Variants in GBF1 observed in about 807,000 individuals in gnomAD.
GBF1 encodes Golgi-specific brefeldin A-resistance guanine nucleotide exchange factor 1.
A neutral mutation model predicts 210.5 loss-of-function variants in GBF1; 114 were observed. The observed-to-expected ratio is 0.54, with a 90% CI of 0.47 to 0.63. The LOEUF is 0.63. GBF1 is among the 30% of genes least tolerant of loss of function. The probability of loss-of-function intolerance (pLI) is 0.00; values close to 1 mark genes in which losing one functional copy is unlikely to be tolerated. For synonymous variants in GBF1, 850 were observed against 889.2 expected, an observed-to-expected ratio of 0.96 and a Z score of 0.78; for missense variants, 1,851 against 2,357.7, an observed-to-expected ratio of 0.79 and a Z score of 4.45.
Position 102,379,264 on chromosome 10 carries a change from G to A in GBF1, c.4495-20G>A, listed in dbSNP as rs2060698277. On this transcript the variant is annotated intron_variant, in intron 33 of 39. Transcript: ENST00000369983. ...CGAGACCTAACCCCACTCACATCCT[G>A]CCCCCTCCTGTGATCCTAGTTGCTA... 1.9e-6 allele frequency: 3 copies of A among 1,608,650 alleles called. No individual in the cohort carries two copies. Among genetic ancestry groups the A allele is most frequent in the Non-Finnish European group, 2.5e-6 (3 of 1,177,248 alleles).
At chr10:102,326,015 C>T (rs1462317369) in intron 3 of GBF1, among the ~76,000 whole-genome samples, 3 of 152,116 alleles carry the variant, frequency 2.0e-5, no homozygotes, top group Non-Finnish European at 4.4e-5. Context: ...GGTCACCTGG[C>T]CTATTTTATA....
At chr10:102,368,496 T>A in intron 22 of GBF1, 42 bp downstream of exon 22, 2 of 1,086,186 alleles carry the variant, frequency 1.8e-6, no homozygotes, top group Non-Finnish European at 2.9e-6. Context: ...CCACTAGCTC[T>A]GTGAGCTAAC....
Position 102,382,065 on chromosome 10 carries a change from A to G in GBF1, c.5312A>G (p.Lys1771Arg). The G allele has an allele frequency of 6.5e-7, 1 of 1,538,996 alleles. No homozygotes were observed. Reference sequence around the variant, plus strand: ...CTTGCTTTCCCTACAGACTTTGAGAAGCCCGAGAGCCCCCGAGCCGCCAGC... The same window carrying G: ...CTTGCTTTCCCTACAGACTTTGAGAGGCCCGAGAGCCCCCGAGCCGCCAGC... ...PSELGACDFE[K>R]PESPRAASSS... Residue 1771 changes from lysine to arginine, a missense_variant, in exon 40 of 40, where the codon AAG (lysine) becomes AGG (arginine). This residue lies in a region of GBF1 where 967 missense variants were observed against 1,247.7 expected (regional missense o/e 0.78). Coordinates refer to ENST00000369983, the MANE Select transcript of GBF1 (RefSeq NM_001377137.1).
chr10:102,287,612 T>A (rs2076070849), intron 3 of GBF1, among the ~76,000 whole-genome samples: 1 of 152,200 alleles, frequency 6.6e-6, no homozygotes, highest in African/African-American at 2.4e-5. Context: ...AAGATCCATT[T>A]CCAAGTTCAT....
chr10:102,362,731 C>A lies in GBF1; in HGVS notation c.1876+67C>A. On this transcript the variant is annotated intron_variant, in intron 15 of 39. Transcript: ENST00000369983. ...CTTATCCCTTCTCTACTCTCTGAGT[C>A]GTTTTTCCTGTCCCCATATCACTTC... 5 of 1,293,730 alleles carry A rather than the reference C, an allele frequency of 3.9e-6. No individual in the cohort carries two copies. In the South Asian group the frequency reaches 5.2e-5, roughly 13 times the overall value. The allele number at this position is 1,293,730 out of a possible 1,614,324, so 80.1% of individuals were successfully genotyped here. A position where few individuals can be genotyped will look rare whatever the true frequency, so the allele number is the denominator to read the frequency against.
chr10:102,360,481 T>C (rs2059533472), intron 12 of GBF1, 86 bp downstream of exon 12: 1 of 869,148 alleles, frequency 1.2e-6, no homozygotes, highest in Non-Finnish European at 1.9e-6. Context: ...GCAAAGAGTA[T>C]AGGACCTAGG....
chr10:102,302,038 A>G (rs190041783), intron 3 of GBF1, among the ~76,000 whole-genome samples: 3,604 of 152,328 alleles, frequency 0.024, 71 homozygotes, highest in Non-Finnish European at 0.04. Context: ...CGAGGCTGGC[A>G]GATCACTCGC....
At chr10:102,336,176 C>A (rs1296031848) in intron 3 of GBF1, among the ~76,000 whole-genome samples, 1 of 151,794 alleles carries the variant, frequency 6.6e-6, no homozygotes, top group Non-Finnish European at 1.5e-5. Flanking sequence ...TGGCATGTGC[C>A]TGTAGTCCCA....
chr10:102,329,184 C>G (rs190480573), intron 3 of GBF1, among the ~76,000 whole-genome samples: 1 of 152,134 alleles, frequency 6.6e-6, no homozygotes, highest in African/African-American at 2.4e-5. Context: ...AAGGTTGATA[C>G]GCATCAAACT....
chr10:102,380,302 C>G lies in GBF1; in HGVS notation c.4932C>G (p.Leu1644=), dbSNP rs1204981995. 6.2e-7 allele frequency: 1 copy of G among 1,614,128 alleles called. No homozygotes were observed. Among genetic ancestry groups the G allele is most frequent in the East Asian group, 2.2e-5 (1 of 44,876 alleles). The change falls in exon 37 of 40, where the codon CTC becomes CTG. Residue 1644 remains leucine (L), a synonymous_variant. Transcript: ENST00000369983. ...TGTCACTCTCTACCTTTGCGGCCCTCTGGCTCACCATCTTGGACTTCATGG... is the reference window on the plus strand; with the variant it reads ...TGTCACTCTCTACCTTTGCGGCCCTGTGGCTCACCATCTTGGACTTCATGG... ...PLLSLSTFAA[L]WLTILDFMDK...
intron 3 of GBF1, among the ~76,000 whole-genome samples, chr10:102,277,018 G>GTA (rs1374541164): frequency 6.6e-6 from 1 of 151,798 alleles, no homozygotes; most frequent in Non-Finnish European, 1.5e-5. Flanking sequence ...ATGTATGTAT[G>GTA]TATATATAGA....
chr10:102,351,324 G>A lies in GBF1; in HGVS notation c.364G>A (p.Val122Met). ...MADAVTHARF[V>M]GTDPASDEVV... The stretch of plus-strand genomic sequence containing the variant: ...AGATGCTGTCACCCATGCTCGTTTT[G>A]TGGGCACGGATCCTGCCAGTGATGA... The change falls in exon 5 of 40, where the codon GTG (valine) becomes ATG (methionine). Residue 122 changes from valine (V) to methionine (M), a missense_variant. This residue lies in a region of GBF1 where 804 missense variants were observed against 958.6 expected (regional missense o/e 0.84). Transcript: ENST00000369983. 6.2e-7 allele frequency: 1 copy of A among 1,611,970 alleles called. No individual in the cohort carries two copies. The highest frequency in any genetic ancestry group is 1.1e-5 in the South Asian group (1 of 91,032).
chr10:102,307,551 G>A (rs2133922678), intron 3 of GBF1, among the ~76,000 whole-genome samples: 1 of 152,272 alleles, frequency 6.6e-6, no homozygotes, highest in East Asian at 1.9e-4. Flanking sequence ...AGCACTTTGG[G>A]AGGCCAAGGC....
chr10:102,234,748 G>T, the GBF1 span, among the ~76,000 whole-genome samples: 48 of 152,266 alleles, frequency 3.2e-4, no homozygotes, highest in African/African-American at 1.1e-3. Context: ...CCAGAGAGGG[G>T]TTTACCTGTG....
In GBF1 at chr10:102,366,940, C is replaced by G; in HGVS notation, c.2434-145C>G. 1 of 825,292 alleles carries G rather than the reference C, an allele frequency of 1.2e-6. No individual in the cohort carries two copies. Among genetic ancestry groups the G allele is most frequent in the Non-Finnish European group, 1.9e-6 (1 of 515,126 alleles). 51.1% of individuals were successfully genotyped at this position (825,292 alleles called of 1,614,324 possible). ...ATTAGTGACCTTTCCACAAAGAGAT[C>G]AGCTTCTGTTAAGGAGTTGGCAAGA... is the stretch of plus-strand genomic sequence containing the variant. On this transcript the variant is annotated intron_variant, in intron 19 of 39. Coordinates refer to ENST00000369983, the MANE Select transcript of GBF1 (RefSeq NM_001377137.1). The surrounding 1 kb of genome is among the most constrained non-coding windows in gnomAD (Gnocchi z 4.0).
chr10:102,304,677 G>A (rs1047558493), intron 3 of GBF1, among the ~76,000 whole-genome samples: 6 of 152,036 alleles, frequency 3.9e-5, no homozygotes, highest in Non-Finnish European at 7.4e-5. Context: ...GGGAGGCTGA[G>A]GCAGGAGAAT....
intron 3 of GBF1, among the ~76,000 whole-genome samples, chr10:102,271,420 G>A (rs1170879842): frequency 1.3e-5 from 2 of 151,858 alleles, no homozygotes; most frequent in African/African-American, 4.8e-5. Flanking sequence ...TTGGCCTCAA[G>A]CAATCCTCCC....
At chr10:102,352,987 GC>G (rs1249524865) in intron 7 of GBF1, among the ~76,000 whole-genome samples, 1 of 152,108 alleles carries the variant, frequency 6.6e-6, no homozygotes, top group Non-Finnish European at 1.5e-5. Context: ...CTTTGGTAAG[GC>G]CCTTAGCCTA....
At chr10:102,271,728 A>T in intron 3 of GBF1, among the ~76,000 whole-genome samples, 1 of 151,962 alleles carries the variant, frequency 6.6e-6, no homozygotes, top group South Asian at 2.1e-4. Flanking sequence ...TATGTAATTC[A>T]TATTATTACT....
Sources: allele counts gnomAD v4.1 joint callset (sites outside exome capture counted in the v4.1 genomes callset), GRCh38; gene constraint gnomAD v4.1.1; regional missense constraint gnomAD v4.1.1; non-coding constraint Gnocchi (gnomAD v3.1); transcripts MANE v1.5; gene names NCBI Gene and HGNC (gene_info 2026-07-23, HGNC 2026-07-21).